Variants in MYH15 observed in about 807,000 individuals in gnomAD.
The protein encoded by MYH15 is myosin-15.
In MYH15, 227 loss-of-function variants were observed where a neutral mutation model predicts 240.5. The ratio of observed to expected loss-of-function variants is 0.94; its 90% confidence interval spans 0.85 to 1.05. MYH15 has a LOEUF of 1.05. MYH15 is among the 50% of genes least tolerant of loss of function. The pLI, the probability that MYH15 is intolerant of heterozygous loss-of-function variation, is 0.00. For synonymous variants in MYH15, 785 were observed against 796.7 expected, an observed-to-expected ratio of 0.99 and a Z score of 0.25; for missense variants, 2,217 against 2,247.5, an observed-to-expected ratio of 0.99 and a Z score of 0.27.
At chr3:108,501,570 A>C in intron 3 of MYH15, 142 bp downstream of exon 3, 1 of 1,005,776 alleles carries the variant, frequency 9.9e-7, no homozygotes, top group Non-Finnish European at 1.4e-6. Flanking sequence ...TGCTAAGATA[A>C]GGTCCCTTCC....
In MYH15 at chr3:108,414,268, T is replaced by A. The variant is rs769543583; in HGVS notation, c.4109A>T (p.Asn1370Ile). ...MVQWRMKYEN[N>I]VIQRTEDLED... ...CAAGTCTTCTGTTCTCTGGATGACA[T>A]TGTTTTCATACTTCATTCTCCATTG... The change falls in exon 30 of 41, where the codon AAT (asparagine) becomes ATT (isoleucine). Residue 1370 changes from asparagine (N) to isoleucine (I), a missense_variant. Physicochemically the swap from Asn to Ile is moderately radical, Grantham distance 149. Transcript: ENST00000693548. 6.2e-7 allele frequency: 1 copy of A among 1,614,164 alleles called. No homozygotes were observed. The highest frequency in any genetic ancestry group is 8.5e-7 in the Non-Finnish European group (1 of 1,180,014).
rs368658314 is a variant in MYH15 at position 108,455,733 on chromosome 3, T to A, written c.2262+3A>T. The A allele has an allele frequency of 6.2e-7, 1 of 1,613,564 alleles. No homozygotes were observed. The highest frequency in any genetic ancestry group is 1.3e-5 in the African/African-American group (1 of 75,028). On this transcript the variant is annotated splice_donor_region_variant and intron_variant, in intron 20 of 40. Coordinates refer to ENST00000693548, the MANE Select transcript of MYH15 (RefSeq NM_014981.3). ...AATGCATTCTTTGCAGTTTTCTGGT[T>A]ACCTTAGTGATTCCAAATCGGTACT... is the stretch of plus-strand genomic sequence containing the variant.
intron 31 of MYH15, 130 bp from the exon 32 acceptor site, chr3:108,408,534 T>A: frequency 1.1e-6 from 1 of 870,710 alleles, no homozygotes; most frequent in Non-Finnish European, 1.7e-6. Context: ...CTTGATGACC[T>A]ATCCTATATG....
intron 21 of MYH15, 150 bp downstream of exon 21, chr3:108,453,856 C>G (rs1202414183): frequency 2.4e-5 from 17 of 703,474 alleles, no homozygotes; most frequent in Non-Finnish European, 3.3e-5. Context: ...TGCACTCTGT[C>G]CTTTTGTTAT....
intron 37 of MYH15, 21 bp from the exon 38 acceptor site, chr3:108,389,095 C>T (rs778991348): frequency 2.6e-5 from 41 of 1,604,814 alleles, no homozygotes; most frequent in Non-Finnish European, 3.4e-5. Flanking sequence ...AACGTGACCT[C>T]AGACCAGACG....
chr3:108,407,442 C>T (rs1005690233), intron 32 of MYH15, among the ~76,000 whole-genome samples: 13 of 152,156 alleles, frequency 8.5e-5, no homozygotes, highest in African/African-American at 2.7e-4. Flanking sequence ...TGAGAAGAGG[C>T]TGCACAGGGC....
chr3:108,464,911 G>T (rs2083102343), intron 14 of MYH15, 97 bp from the exon 15 acceptor site: 1 of 1,073,740 alleles, frequency 9.3e-7, no homozygotes, highest in South Asian at 1.7e-5. Flanking sequence ...CTAATCAGTT[G>T]ACAAAGGGAA....
chr3:108,538,908 G>C, the MYH15 span, among the ~76,000 whole-genome samples: 1 of 152,198 alleles, frequency 6.6e-6, no homozygotes, highest in Non-Finnish European at 1.5e-5. Flanking sequence ...CCATGGCAGA[G>C]AGTGGAAGGG....
intron 1 of MYH15, among the ~76,000 whole-genome samples, chr3:108,526,046 A>G (rs903715521): frequency 6.6e-6 from 1 of 152,142 alleles, no homozygotes; most frequent in Non-Finnish European, 1.5e-5. Flanking sequence ...CTGCTCATCT[A>G]TAATTCCAAT....
intron 14 of MYH15, among the ~76,000 whole-genome samples, chr3:108,468,442 A>C (rs2083140746): frequency 6.6e-6 from 1 of 152,174 alleles, no homozygotes; most frequent in South Asian, 2.1e-4. Flanking sequence ...ACTGAGTTTG[A>C]TCATTAATAT....
At chr3:108,467,598 A>T (rs900578370) in intron 14 of MYH15, among the ~76,000 whole-genome samples, 2 of 152,148 alleles carry the variant, frequency 1.3e-5, no homozygotes, top group African/African-American at 4.8e-5. Context: ...TATCGTGAGA[A>T]ATTTTCCAAA....
the MYH15 span, among the ~76,000 whole-genome samples, chr3:108,536,124 G>T: frequency 6.6e-6 from 1 of 152,128 alleles, no homozygotes; most frequent in African/African-American, 2.4e-5. Flanking sequence ...AACTAGCCGG[G>T]GGTGGTGGCA....
At chr3:108,422,586 T>C (rs2082692320) in intron 27 of MYH15, among the ~76,000 whole-genome samples, 1 of 152,210 alleles carries the variant, frequency 6.6e-6, no homozygotes, top group Admixed American at 6.5e-5. Context: ...ATTTATTGGG[T>C]GCTTGTTACA....
chr3:108,469,896 A>T (rs772813062), intron 14 of MYH15, 146 bp downstream of exon 14: 5 of 724,604 alleles, frequency 6.9e-6, no homozygotes, highest in Non-Finnish European at 1.1e-5. Context: ...GGTGATGCAC[A>T]CAAACACCAT....
chr3:108,530,117 T>G (rs116003058), upstream of MYH15, among the ~76,000 whole-genome samples: 624 of 152,348 alleles, frequency 4.1e-3, 7 homozygotes, highest in African/African-American at 0.015. Flanking sequence ...GGAAGTGTAT[T>G]CACAAGGGTT....
intron 9 of MYH15, among the ~76,000 whole-genome samples, chr3:108,489,532 T>C (rs778639711): frequency 1.7e-4 from 26 of 152,096 alleles, no homozygotes; most frequent in Non-Finnish European, 3.4e-4. Context: ...GGGTCAGATA[T>C]AATTGAGAGC....
chr3:108,510,184 G>A (rs187558958), intron 1 of MYH15, among the ~76,000 whole-genome samples: 1 of 152,270 alleles, frequency 6.6e-6, no homozygotes, highest in Non-Finnish European at 1.5e-5. Flanking sequence ...GCTCCTTGAA[G>A]AGAAAATCTG....
chr3:108,506,770 C>G, intron 1 of MYH15, among the ~76,000 whole-genome samples: 1 of 152,308 alleles, frequency 6.6e-6, no homozygotes, highest in Middle Eastern at 3.4e-3. Context: ...CAGTGGCTCA[C>G]GCCTGTAATC....
rs1228341828 is a variant in MYH15, at chr3:108,380,916, C to T, written c.*629G>A. ...GGTACTGCACAAATCCAGCATATTACCTGTCACTGAATGTCTCGTGTGGGG... is the reference window on the plus strand; with the variant it reads ...GGTACTGCACAAATCCAGCATATTATCTGTCACTGAATGTCTCGTGTGGGG... On this transcript the variant is annotated 3_prime_UTR_variant, in exon 41 of 41. Coordinates refer to ENST00000693548, the MANE Select transcript of MYH15 (RefSeq NM_014981.3). 6.6e-6 allele frequency: 1 copy of T among 152,568 alleles called. No individual in the cohort carries two copies. Among genetic ancestry groups the T allele is most frequent in the Admixed American group, 6.5e-5 (1 of 15,322 alleles). The allele number at this position is 152,568 out of a possible 1,614,324, so 9.5% of individuals were successfully genotyped here.
Sources: allele counts gnomAD v4.1 joint callset (sites outside exome capture counted in the v4.1 genomes callset), GRCh38; gene constraint gnomAD v4.1.1; transcripts MANE v1.5; gene names NCBI Gene and HGNC (gene_info 2026-07-23, HGNC 2026-07-21).